Variants in DCLK1 observed in about 807,000 individuals in gnomAD.
DCLK1 encodes the protein serine/threonine-protein kinase DCLK1.
In DCLK1, 16 loss-of-function variants were observed where a neutral mutation model predicts 86.2. The observed-to-expected ratio is 0.19, with a 90% CI of 0.13 to 0.28. The LOEUF is 0.28. Ranked by LOEUF, DCLK1 falls within the 10% of genes least tolerant of loss-of-function variation. The pLI is 1.00. For synonymous variants in DCLK1, 369 were observed against 370.5 expected, an observed-to-expected ratio of 1.00 and a Z score of 0.05; for missense variants, 590 against 940.2, an observed-to-expected ratio of 0.63 and a Z score of 4.87.
At chr13:36,008,227 ATTT>A (rs1203184266) in intron 3 of DCLK1, among the ~76,000 whole-genome samples, 1 of 85,194 alleles carries the variant, frequency 1.2e-5, no homozygotes, top group South Asian at 4.2e-4. Context: ...TATTATTATT[ATTT>A]TTTTAATTAT....
At position 35,834,695 on chromosome 13, in the gene DCLK1, G is replaced by A. The variant is rs576885745; in HGVS notation, c.1229+1338C>T. The stretch of plus-strand genomic sequence containing the variant: ...CAAATGTGCCAAATGGCCAAGCTTC[G>A]TGGAGAGGTGGGGGAATGAGAGGGA... On this transcript the variant is annotated intron_variant, in intron 8 of 16. Coordinates refer to ENST00000360631, the MANE Select transcript of DCLK1 (RefSeq NM_001330071.2). Among the ~76,000 whole-genome samples the A allele has an allele frequency of 3.3e-4, 50 of 152,296 alleles. No individual in the cohort carries two copies. The South Asian group carries it at 9.7e-3, about 30-fold the overall frequency.
chr13:35,874,791 G>A (rs1872501350), intron 4 of DCLK1, among the ~76,000 whole-genome samples: 1 of 152,184 alleles, frequency 6.6e-6, no homozygotes, highest in African/African-American at 2.4e-5. Flanking sequence ...CAGAGCTTTG[G>A]AACGTGCCAA....
intron 3 of DCLK1, among the ~76,000 whole-genome samples, chr13:36,031,296 G>T (rs1018233144): frequency 6.7e-6 from 1 of 150,006 alleles, no homozygotes; most frequent in African/African-American, 2.5e-5. Flanking sequence ...TTCTTGTGAG[G>T]CTCATGGACT....
rs200959547 is a variant in DCLK1, at chr13:36,112,092, G to A, written c.500C>T (p.Ala167Val). 635 of 1,613,990 alleles carry A rather than the reference G, an allele frequency of 3.9e-4. No homozygotes were observed. The highest frequency in any genetic ancestry group is 5.1e-4 in the Non-Finnish European group (600 of 1,180,006). The part of the protein sequence containing the change: ...TSASRAVSSL[A>V]TAKGSPSEVR... ...CTCTGAAGGGCTTCCTTTGGCAGTG[G>A]CCAGTGAAGACACTGCCCGAGAAGC... Residue 167 changes from alanine (A) to valine (V), a missense_variant, in exon 3 of 17, where the codon GCC becomes GTC. Ala to Val is a moderately conservative substitution (Grantham distance 64). Transcript: ENST00000360631.
At chr13:35,986,122 T>C (rs1330558325) in intron 3 of DCLK1, among the ~76,000 whole-genome samples, 1 of 151,404 alleles carries the variant, frequency 6.6e-6, no homozygotes, top group Non-Finnish European at 1.5e-5. Flanking sequence ...ACCAACATGG[T>C]AAAATCCCGT....
At chr13:35,929,761 T>G (rs574588005) in intron 4 of DCLK1, among the ~76,000 whole-genome samples, 3 of 152,212 alleles carry the variant, frequency 2.0e-5, no homozygotes, top group Non-Finnish European at 2.9e-5. Flanking sequence ...CCACACTTCC[T>G]TTCATATCTG....
chr13:35,866,510 T>C (rs932969339), intron 5 of DCLK1, among the ~76,000 whole-genome samples: 1 of 151,218 alleles, frequency 6.6e-6, no homozygotes, highest in African/African-American at 2.4e-5. Context: ...TGGAGTGCAG[T>C]TGTGCAATCT....
intron 3 of DCLK1, among the ~76,000 whole-genome samples, chr13:36,094,113 AAT>A (rs1176770570): frequency 6.6e-6 from 1 of 152,130 alleles, no homozygotes; most frequent in African/African-American, 2.4e-5. Flanking sequence ...GACAAATTAA[AAT>A]ATGTTACAGC....
At chr13:35,929,843 C>T (rs943741810) in intron 4 of DCLK1, among the ~76,000 whole-genome samples, 2 of 143,642 alleles carry the variant, frequency 1.4e-5, no homozygotes, top group African/African-American at 5.2e-5. Flanking sequence ...GAAGATGTCA[C>T]CCACACAATC....
At chr13:36,104,250 T>G (rs887509078) in intron 3 of DCLK1, among the ~76,000 whole-genome samples, 1 of 152,192 alleles carries the variant, frequency 6.6e-6, no homozygotes. Flanking sequence ...CATATGCTAA[T>G]GCCGAGTGGA....
chr13:36,051,112 A>G (rs1883107371), intron 3 of DCLK1, among the ~76,000 whole-genome samples: 1 of 152,224 alleles, frequency 6.6e-6, no homozygotes. Flanking sequence ...ATTTACTACA[A>G]AATAAATGAA....
chr13:35,959,854 C>CGTGTGTGT (rs67600362), intron 3 of DCLK1, among the ~76,000 whole-genome samples: 208 of 149,396 alleles, frequency 1.4e-3, no homozygotes, highest in African/African-American at 4.1e-3. Flanking sequence ...TACAGCAAGT[C>CGTGTGTGT]GTGTGTGTGT....
intron 4 of DCLK1, among the ~76,000 whole-genome samples, chr13:35,946,063 G>A (rs1435674489): frequency 1.3e-5 from 2 of 152,178 alleles, no homozygotes; most frequent in Non-Finnish European, 2.9e-5. Flanking sequence ...CCCAGACCAA[G>A]TACAGTGGCA....
chr13:36,066,602 T>C (rs2322914), intron 3 of DCLK1, among the ~76,000 whole-genome samples: 56,947 of 151,774 alleles, frequency 0.38, 10,926 homozygotes, highest in South Asian at 0.6. Flanking sequence ...AAAGAAACTA[T>C]CATCAGAGTG....
chr13:35,849,072 T>C, intron 6 of DCLK1: 1 of 985,350 alleles, frequency 1.0e-6, no homozygotes, highest in Non-Finnish European at 1.2e-6. Flanking sequence ...AGAAGTGTCT[T>C]TCTCTCCAAC....
chr13:35,806,328 A>G (rs551348969), intron 14 of DCLK1, among the ~76,000 whole-genome samples: 1 of 152,332 alleles, frequency 6.6e-6, no homozygotes, highest in South Asian at 2.1e-4. Flanking sequence ...AGAATTCTAA[A>G]GAAACATGTT....
intron 5 of DCLK1, among the ~76,000 whole-genome samples, chr13:35,855,003 C>G (rs896778262): frequency 8.5e-5 from 13 of 152,190 alleles, no homozygotes; most frequent in Admixed American, 7.9e-4. Flanking sequence ...CAGTGACATT[C>G]CAGTGACCTG....
intron 16 of DCLK1, among the ~76,000 whole-genome samples, chr13:35,776,475 C>T (rs2086426578): frequency 1.3e-5 from 2 of 152,182 alleles, no homozygotes; most frequent in African/African-American, 4.8e-5. Flanking sequence ...TGAACAGAGG[C>T]AGTCAGATGT....
chr13:36,060,029 GC>G (rs750190232), intron 3 of DCLK1, among the ~76,000 whole-genome samples: 1 of 151,892 alleles, frequency 6.6e-6, no homozygotes, highest in Non-Finnish European at 1.5e-5. Context: ...ACACCACCAA[GC>G]CCGGCTAATT....
Sources: allele counts gnomAD v4.1 joint callset (sites outside exome capture counted in the v4.1 genomes callset), GRCh38; gene constraint gnomAD v4.1.1; transcripts MANE v1.5; gene names NCBI Gene and HGNC (gene_info 2026-07-23, HGNC 2026-07-21).